The following TEX9 variants were observed in gnomAD, a reference collection of about 807,000 sequenced individuals.
The protein encoded by TEX9 is testis-expressed protein 9.
In TEX9, 74 loss-of-function variants were observed where a neutral mutation model predicts 59.6. The ratio of observed to expected loss-of-function variants is 1.24; its 90% confidence interval spans 1.03 to 1.51. The LOEUF (loss-of-function observed/expected upper bound fraction) is 1.51, where lower values mean the gene tolerates loss of function less well. Among genes scored for constraint, TEX9 ranks in the 40% most tolerant of loss-of-function variants. The probability of loss-of-function intolerance (pLI) is 0.00; values close to 1 mark genes in which losing one functional copy is unlikely to be tolerated. For synonymous variants in TEX9, 186 were observed against 152.2 expected (o/e 1.22, Z -1.64); for missense variants, 522 against 447.8 (o/e 1.17, Z -1.49).
intron 10 of TEX9, among the ~76,000 whole-genome samples, chr15:56,422,174 A>G (rs1457940508): frequency 6.6e-6 from 1 of 150,984 alleles, no homozygotes; most frequent in Non-Finnish European, 1.5e-5. Flanking sequence ...TGGGTGCAGC[A>G]CACCAGCATA....
chr15:56,380,476 G>C (rs770761363), intron 3 of TEX9, among the ~76,000 whole-genome samples: 1 of 152,050 alleles, frequency 6.6e-6, no homozygotes, highest in Non-Finnish European at 1.5e-5. Context: ...ATAATATTCT[G>C]TGTTTTTCTG....
intron 1 of TEX9, among the ~76,000 whole-genome samples, chr15:56,270,614 G>A (rs540398538): frequency 6.6e-6 from 1 of 152,144 alleles, no homozygotes; most frequent in Admixed American, 6.5e-5. Flanking sequence ...CTTTTAATTG[G>A]GGGCATTTAG....
chr15:56,364,935 C>T (rs2141939217), upstream of TEX9, among the ~76,000 whole-genome samples: 1 of 152,244 alleles, frequency 6.6e-6, no homozygotes, highest in East Asian at 1.9e-4. Context: ...AGTGATTTGC[C>T]CAAGGCCATA....
chr15:56,401,332 A>AAC (rs2048768754), intron 9 of TEX9, among the ~76,000 whole-genome samples: 1 of 128,146 alleles, frequency 7.8e-6, no homozygotes, highest in Non-Finnish European at 1.8e-5. Context: ...AAAAAAAAAA[A>AAC]CAGGGGTTGC....
intron 1 of TEX9, among the ~76,000 whole-genome samples, chr15:56,309,932 G>A (rs1387766224): frequency 6.6e-6 from 1 of 151,946 alleles, no homozygotes; most frequent in Non-Finnish European, 1.5e-5. Context: ...GTGGTAGCAG[G>A]TTGGTCCATG....
At chr15:56,413,740 G>A (rs559809959) in intron 10 of TEX9, among the ~76,000 whole-genome samples, 3 of 151,758 alleles carry the variant, frequency 2.0e-5, no homozygotes, top group African/African-American at 7.3e-5. Flanking sequence ...TCATGACTTG[G>A]ATAATGAAAT....
intron 1 of TEX9, among the ~76,000 whole-genome samples, chr15:56,314,598 G>T (rs1207853308): frequency 6.6e-6 from 1 of 151,776 alleles, no homozygotes; most frequent in Non-Finnish European, 1.5e-5. Flanking sequence ...AATAGGTATG[G>T]TGTGGTGCTG....
At chr15:56,402,777 T>C (rs2048862852) in intron 9 of TEX9, among the ~76,000 whole-genome samples, 1 of 152,204 alleles carries the variant, frequency 6.6e-6, no homozygotes, top group African/African-American at 2.4e-5. Flanking sequence ...TCAAAAAGCT[T>C]ATCCAACAAG....
intron 1 of TEX9, among the ~76,000 whole-genome samples, chr15:56,269,653 C>CT (rs1309147898): frequency 0.051 from 6,662 of 131,294 alleles, 282 homozygotes; most frequent in African/African-American, 0.11. Flanking sequence ...CTTTTCTTTT[C>CT]TTTTTTTTTT....
At chr15:56,401,169 T>G (rs1269979412) in intron 9 of TEX9, among the ~76,000 whole-genome samples, 1 of 151,878 alleles carries the variant, frequency 6.6e-6, no homozygotes, top group Non-Finnish European at 1.5e-5. Flanking sequence ...ATGCCCCAAT[T>G]AAAAGACACA....
chr15:56,374,753 TGTTAA>T (rs2047353793), intron 3 of TEX9: 1 of 152,128 alleles, frequency 6.6e-6, no homozygotes, highest in African/African-American at 2.4e-5. Flanking sequence ...TATCTCCATA[TGTTAA>T]GTTGTTTTGA....
At chr15:56,448,414 G>A (rs533654346), downstream of TEX9, among the ~76,000 whole-genome samples, 1 of 152,290 alleles carries the variant, frequency 6.6e-6, no homozygotes, top group South Asian at 2.1e-4. Context: ...ATAGTTCACA[G>A]TGTCTGTTGT....
chr15:56,455,247 G>GA, the TEX9 span, among the ~76,000 whole-genome samples: 6,526 of 82,532 alleles, frequency 0.079, 226 homozygotes, highest in Non-Finnish European at 0.11. Context: ...ATCGTCAGGT[G>GA]AAAAAAAAAA....
intron 10 of TEX9, among the ~76,000 whole-genome samples, chr15:56,426,705 TTATGTG>T (rs2140280282): frequency 1.3e-5 from 2 of 149,396 alleles, no homozygotes; most frequent in South Asian, 4.3e-4. Flanking sequence ...TCCATCTTTT[TTATGTG>T]TGTGTACAGA....
chr15:56,389,200 C>T lies in TEX9; in HGVS notation c.313-118C>T, dbSNP rs979062566. Reference sequence around the variant, plus strand: ...CTTGAAAACACATTTTTGGTAATTCCATGAAAATAGCAAATAGCAGTTTTT... The same window carrying T: ...CTTGAAAACACATTTTTGGTAATTCTATGAAAATAGCAAATAGCAGTTTTT... On this transcript the variant is annotated intron_variant, in intron 5 of 12. Transcript: ENST00000352903. 31 of 778,880 alleles carry T rather than the reference C, an allele frequency of 4.0e-5. No homozygotes were observed. In the African/African-American group the frequency reaches 4.1e-4, roughly 10 times the overall value. 48.2% of individuals were successfully genotyped at this position (778,880 alleles called of 1,614,324 possible). A position where few individuals can be genotyped will look rare whatever the true frequency, so the allele number is the denominator to read the frequency against.
At chr15:56,257,310 G>A (rs2044165757) in intron 1 of TEX9, among the ~76,000 whole-genome samples, 1 of 152,068 alleles carries the variant, frequency 6.6e-6, no homozygotes, top group Non-Finnish European at 1.5e-5. Context: ...TATATACCCA[G>A]GAATGAAATT....
At chr15:56,439,486 T>A (rs999689277) in intron 12 of TEX9, among the ~76,000 whole-genome samples, 7 of 152,176 alleles carry the variant, frequency 4.6e-5, no homozygotes, top group South Asian at 4.1e-4. Context: ...GCTGCAGTAT[T>A]CAAAACTGTG....
chr15:56,394,048 T>C, intron 7 of TEX9, 117 bp from the exon 8 acceptor site: 1 of 855,096 alleles, frequency 1.2e-6, no homozygotes, highest in Non-Finnish European at 1.8e-6. Flanking sequence ...AACAGATATC[T>C]CCTATTTGAC....
At chr15:56,409,918 A>T (rs1422946639) in intron 9 of TEX9, 5 of 152,018 alleles carry the variant, frequency 3.3e-5, no homozygotes, top group African/African-American at 1.2e-4. Flanking sequence ...TTTTCTTGAT[A>T]GTCCTTAACA....
Sources: allele counts gnomAD v4.1 joint callset (sites outside exome capture counted in the v4.1 genomes callset), GRCh38; gene constraint gnomAD v4.1.1; transcripts MANE v1.5; gene names NCBI Gene and HGNC (gene_info 2026-07-23, HGNC 2026-07-21).